Variants in NR2C2 observed in about 807,000 individuals in gnomAD.
NR2C2 encodes the protein nuclear receptor subfamily 2 group C member 2, also known as Nuclear hormone receptor TR4.
A neutral mutation model predicts 62.9 loss-of-function variants in NR2C2; 6 were observed. That is an observed-to-expected ratio of 0.10 (90% confidence interval 0.05 to 0.19). NR2C2 has a LOEUF of 0.19. NR2C2 is among the 10% of genes least tolerant of loss of function. The pLI is 1.00. For synonymous variants in NR2C2, 272 were observed against 273.8 expected (o/e 0.99, Z 0.07); for missense variants, 479 against 762.7 (o/e 0.63, Z 4.38).
chr3:14,950,232 G>A, intron 1 of NR2C2, among the ~76,000 whole-genome samples: 1 of 152,130 alleles, frequency 6.6e-6, no homozygotes, highest in African/African-American at 2.4e-5. Context: ...TTTTGGCTCT[G>A]TGCTTGCAGC....
At chr3:14,996,587 T>C (rs1211216335) in intron 1 of NR2C2, among the ~76,000 whole-genome samples, 1 of 152,240 alleles carries the variant, frequency 6.6e-6, no homozygotes, top group Non-Finnish European at 1.5e-5. Flanking sequence ...TGTTTATTTA[T>C]TGAGACGGAG....
At chr3:14,992,129 G>A (rs1399400693) in intron 1 of NR2C2, among the ~76,000 whole-genome samples, 2 of 152,082 alleles carry the variant, frequency 1.3e-5, no homozygotes, top group South Asian at 2.1e-4. Context: ...CCATGTAAAC[G>A]TCAGAAATTT....
chr3:14,968,352 G>A (rs1021295076), intron 1 of NR2C2, among the ~76,000 whole-genome samples: 1 of 152,092 alleles, frequency 6.6e-6, no homozygotes, highest in Admixed American at 6.5e-5. Flanking sequence ...CTCAAAAGAA[G>A]ACATTTATGC....
At chr3:15,034,959 CA>C in intron 11 of NR2C2, 150 bp downstream of exon 11, 1 of 800,726 alleles carries the variant, frequency 1.2e-6, no homozygotes, top group Non-Finnish European at 1.9e-6. Flanking sequence ...CTCAGTTTCC[CA>C]CAGCATCCAT....
Position 15,030,352 on chromosome 3 carries a change from C to A in NR2C2, c.1010C>A (p.Thr337Asn), listed in dbSNP as rs201585610. 3 of 1,613,478 alleles carry A rather than the reference C, an allele frequency of 1.9e-6. No individual in the cohort carries two copies. The highest frequency in any genetic ancestry group is 2.2e-5 in the East Asian group (1 of 44,826). The change falls in exon 9 of 14, where the codon ACC (threonine) becomes AAC (asparagine). Residue 337 changes from threonine (T) to asparagine (N), a missense_variant. Transcript: ENST00000425241. ...SSPSLADGIDTSGGGSIHVIS... is the reference protein window; with the variant it reads ...SSPSLADGIDNSGGGSIHVIS... ...CCAAGCTTGGCAGATGGGATAGACACCAGTGGAGGAGGGAGCATCCACGTC... is the reference window on the plus strand; with the variant it reads ...CCAAGCTTGGCAGATGGGATAGACAACAGTGGAGGAGGGAGCATCCACGTC...
intron 2 of NR2C2, among the ~76,000 whole-genome samples, chr3:15,012,371 G>A (rs2343361): frequency 1.3e-5 from 2 of 152,082 alleles, no homozygotes; most frequent in South Asian, 2.1e-4. Flanking sequence ...GACTACAGGC[G>A]CCCATCACCA....
chr3:14,987,079 T>G (rs947643293), intron 1 of NR2C2, among the ~76,000 whole-genome samples: 4 of 152,134 alleles, frequency 2.6e-5, no homozygotes, highest in African/African-American at 9.7e-5. Flanking sequence ...AGAAGAGTTT[T>G]TATTTATTTT....
chr3:14,951,322 T>C (rs368957608), intron 1 of NR2C2, among the ~76,000 whole-genome samples: 295 of 152,332 alleles, frequency 1.9e-3, no homozygotes, highest in African/African-American at 6.6e-3. Context: ...GAAAATCACC[T>C]TTTAATTGCT....
chr3:14,994,469 A>T, intron 1 of NR2C2, among the ~76,000 whole-genome samples: 1 of 117,478 alleles, frequency 8.5e-6, no homozygotes, highest in South Asian at 2.7e-4. Context: ...TTTGAGGCAG[A>T]GTCTCACCCT....
At chr3:15,015,554 G>A (rs1017326181) in intron 3 of NR2C2, among the ~76,000 whole-genome samples, 1 of 152,184 alleles carries the variant, frequency 6.6e-6, no homozygotes, top group Non-Finnish European at 1.5e-5. Context: ...TGAAGCCTCT[G>A]TGTGTGATTC....
intron 12 of NR2C2, chr3:15,038,879 CAT>C (rs2042176197): frequency 2.3e-6 from 1 of 441,996 alleles, no homozygotes; most frequent in Non-Finnish European, 4.1e-6. Context: ...CAGAACCAAT[CAT>C]GTGGGGCTGT....
At chr3:14,955,637 T>G (rs2039502844) in intron 1 of NR2C2, among the ~76,000 whole-genome samples, 1 of 152,182 alleles carries the variant, frequency 6.6e-6, no homozygotes, top group African/African-American at 2.4e-5. Flanking sequence ...GAGCTAATAT[T>G]ACATACTCAG....
intron 2 of NR2C2, among the ~76,000 whole-genome samples, chr3:15,009,285 T>G (rs1381401492): frequency 6.6e-6 from 1 of 152,014 alleles, no homozygotes; most frequent in Non-Finnish European, 1.5e-5. Flanking sequence ...TTTGTGGAGG[T>G]AGGTGTAGGG....
At chr3:15,010,403 G>T (rs553701685) in intron 2 of NR2C2, among the ~76,000 whole-genome samples, 35 of 151,984 alleles carry the variant, frequency 2.3e-4, no homozygotes, top group Non-Finnish European at 4.9e-4. Flanking sequence ...TTTTATAAGC[G>T]TGAGTCTTTG....
In NR2C2 at chr3:15,004,839, T is replaced by G. The variant is rs568382615; in HGVS notation, c.72+853T>G. Among the ~76,000 whole-genome samples the G allele has an allele frequency of 2.2e-4, 33 of 152,340 alleles. 4 individuals are homozygous for G. The highest frequency in any genetic ancestry group is 2.1e-3 in the South Asian group (10 of 4,832). On this transcript the variant is annotated intron_variant, in intron 2 of 13. Coordinates refer to ENST00000425241, the MANE Select transcript of NR2C2 (RefSeq NM_001291694.2). ...TATGTCTTTTTGGAGAATTAACCCT[T>G]TCTTGATCTTAGCCAAAAGGTCGAG...
chr3:15,003,972 C>G lies in NR2C2; in HGVS notation c.58C>G (p.Pro20Ala). ...IISTDSAVAS[P>A]QRIQIVTDQQ... ...CTCCACCGACTCTGCTGTAGCCTCA[C>G]CTCAGCGCATTCAGGTACCTGCAAC... Residue 20 changes from proline to alanine, a missense_variant, in exon 2 of 14, where the codon CCT (proline) becomes GCT (alanine). Physicochemically the swap from Pro to Ala is conservative, Grantham distance 27. Coordinates refer to ENST00000425241, the MANE Select transcript of NR2C2 (RefSeq NM_001291694.2). 6.2e-7 allele frequency: 1 copy of G among 1,610,400 alleles called. No homozygotes were observed. The highest frequency in any genetic ancestry group is 8.5e-7 in the Non-Finnish European group (1 of 1,178,660).
At chr3:15,032,240 C>G in intron 9 of NR2C2, 139 bp from the exon 10 acceptor site, 2 of 1,178,354 alleles carry the variant, frequency 1.7e-6, no homozygotes, top group Non-Finnish European at 2.5e-6. Context: ...TGCAAGCCCC[C>G]CGACTGCATG....
chr3:14,992,265 A>G (rs2040693372), intron 1 of NR2C2, among the ~76,000 whole-genome samples: 1 of 152,126 alleles, frequency 6.6e-6, no homozygotes, highest in Admixed American at 6.5e-5. Context: ...GTGAAGATGT[A>G]TGAACTTCCT....
intron 1 of NR2C2, among the ~76,000 whole-genome samples, chr3:14,986,574 C>G (rs781439780): frequency 2.1e-4 from 32 of 152,134 alleles, no homozygotes; most frequent in Non-Finnish European, 3.8e-4. Context: ...TATGTCTTGC[C>G]ACAGAGTAAT....
Sources: allele counts gnomAD v4.1 joint callset (sites outside exome capture counted in the v4.1 genomes callset), GRCh38; gene constraint gnomAD v4.1.1; transcripts MANE v1.5; gene names NCBI Gene and HGNC (gene_info 2026-07-23, HGNC 2026-07-21).